Variants in TRPC1 observed in about 807,000 individuals in gnomAD.
The protein encoded by TRPC1 is short transient receptor potential channel 1.
In TRPC1, 42 loss-of-function variants were observed where a neutral mutation model predicts 88.2. That is an observed-to-expected ratio of 0.48 (90% CI 0.37 to 0.62). The LOEUF (loss-of-function observed/expected upper bound fraction) is 0.62. TRPC1 is among the 20% of genes least tolerant of loss of function. The pLI, the probability that TRPC1 is intolerant of heterozygous loss-of-function variation, is 0.00. For synonymous variants in TRPC1, 288 were observed against 331.8 expected, an observed-to-expected ratio of 0.87 and a Z score of 1.43; for missense variants, 699 against 957.3, an observed-to-expected ratio of 0.73 and a Z score of 3.56.
chr3:142,795,987 A>G (rs1443865472), intron 9 of TRPC1, among the ~76,000 whole-genome samples: 1 of 152,158 alleles, frequency 6.6e-6, no homozygotes, highest in African/African-American at 2.4e-5. Context: ...TGTGGTAATA[A>G]TAGTAATAAC....
intron 7 of TRPC1, among the ~76,000 whole-genome samples, 174 bp from the exon 8 acceptor site, chr3:142,790,845 G>T (rs1166726955): frequency 1.3e-5 from 2 of 151,252 alleles, no homozygotes; most frequent in Admixed American, 1.3e-4. Flanking sequence ...GAAAGTTAAG[G>T]TTATTTTCTT....
chr3:142,743,675 AT>A, intron 3 of TRPC1, 89 bp downstream of exon 3: 1 of 787,032 alleles, frequency 1.3e-6, no homozygotes, highest in Non-Finnish European at 1.8e-6. Flanking sequence ...CCTCAAATTT[AT>A]TTTGTTTTTT....
At chr3:142,786,974 A>T (rs931519108) in intron 7 of TRPC1, among the ~76,000 whole-genome samples, 7 of 152,216 alleles carry the variant, frequency 4.6e-5, no homozygotes, top group African/African-American at 1.7e-4. Context: ...AATAGCATAA[A>T]TATTACTGCT....
At chr3:142,786,775 T>C (rs1261460134) in intron 7 of TRPC1, among the ~76,000 whole-genome samples, 1 of 152,184 alleles carries the variant, frequency 6.6e-6, no homozygotes, top group African/African-American at 2.4e-5. Flanking sequence ...TTGTTATATA[T>C]TCCTTAGTCT....
chr3:142,756,194 C>CTGGAACTTAA (rs1934954323), intron 4 of TRPC1, among the ~76,000 whole-genome samples: 1 of 152,108 alleles, frequency 6.6e-6, no homozygotes, highest in Admixed American at 6.5e-5. Flanking sequence ...CAGTTTTTGG[C>CTGGAACTTAA]AGTGAACATT....
chr3:142,737,173 T>G (rs1934167655), intron 2 of TRPC1, among the ~76,000 whole-genome samples: 1 of 151,980 alleles, frequency 6.6e-6, no homozygotes, highest in South Asian at 2.1e-4. Context: ...TTTCCTTTCC[T>G]TTTTGGTTTG....
At chr3:142,772,138 G>A (rs1045371717) in intron 4 of TRPC1, among the ~76,000 whole-genome samples, 1 of 152,068 alleles carries the variant, frequency 6.6e-6, no homozygotes, top group African/African-American at 2.4e-5. Context: ...GTTTCTGTTT[G>A]TGGGTCTCTT....
intron 4 of TRPC1, among the ~76,000 whole-genome samples, chr3:142,763,018 T>C (rs564399338): frequency 6.6e-6 from 1 of 152,302 alleles, no homozygotes; most frequent in Admixed American, 6.5e-5. Context: ...TTTTATTCCA[T>C]ATGGTCAGAA....
At position 142,780,935 on chromosome 3, in the gene TRPC1, C is replaced by G; in HGVS notation, c.866C>G (p.Thr289Arg). The G allele has an allele frequency of 1.9e-6, 3 of 1,613,814 alleles. No homozygotes were observed. Among genetic ancestry groups the G allele is most frequent in the Non-Finnish European group, 2.5e-6 (3 of 1,179,804 alleles). ...GAATTGGAAGTTATTCTAAACCATA[C>G]GTCTAGTGACGAGCCTCTTGACAAA... ...SRELEVILNH[T>R]SSDEPLDKRG... Residue 289 changes from threonine (T) to arginine (R), a missense_variant, in exon 6 of 13, where the codon ACG (threonine) becomes AGG (arginine). Transcript: ENST00000476941.
At chr3:142,801,624 A>T (rs1936622367) in intron 9 of TRPC1, among the ~76,000 whole-genome samples, 1 of 152,132 alleles carries the variant, frequency 6.6e-6, no homozygotes, top group Non-Finnish European at 1.5e-5. Flanking sequence ...CACACATAAT[A>T]TTTTCTTAAA....
intron 9 of TRPC1, among the ~76,000 whole-genome samples, chr3:142,796,132 C>A (rs1383875528): frequency 2.6e-5 from 4 of 152,028 alleles, no homozygotes; most frequent in African/African-American, 9.7e-5. Context: ...GAGGAAGAAT[C>A]TGAGGCATAG....
intron 4 of TRPC1, among the ~76,000 whole-genome samples, chr3:142,773,274 G>A (rs932221450): frequency 4.0e-5 from 6 of 151,510 alleles, no homozygotes; most frequent in Non-Finnish European, 5.9e-5. Flanking sequence ...GTGCAGTAGC[G>A]CAATCTCAGC....
In TRPC1 at chr3:142,776,857, C is replaced by T. The variant is rs981067676; in HGVS notation, c.633-775C>T. Among the ~76,000 whole-genome samples, 1 of 150,830 alleles carries T rather than the reference C, an allele frequency of 6.6e-6. No homozygotes were observed. Among genetic ancestry groups the T allele is most frequent in the Non-Finnish European group, 1.5e-5 (1 of 67,890 alleles). ...GTCGGAGGTTGCGGTGAGCCGAGAT[C>T]GTGCCATTGCACTCCGGTCTGGTGA... On this transcript the variant is annotated intron_variant, in intron 4 of 12. Transcript: ENST00000476941. The surrounding 1 kb of genome is among the most constrained non-coding windows in gnomAD (Gnocchi z 4.1).
chr3:142,766,037 A>T (rs1200218008), intron 4 of TRPC1, among the ~76,000 whole-genome samples: 1 of 133,678 alleles, frequency 7.5e-6, no homozygotes, highest in Non-Finnish European at 1.7e-5. Flanking sequence ...ATTAAGAAGT[A>T]AAAAAAAAAA....
intron 4 of TRPC1, among the ~76,000 whole-genome samples, chr3:142,755,385 AT>A (rs1934925864): frequency 6.6e-6 from 1 of 152,196 alleles, no homozygotes; most frequent in Admixed American, 6.5e-5. Flanking sequence ...AGATTGCACC[AT>A]TGCACTCCAG....
rs1308695316 is a variant in TRPC1 at position 142,771,340 on chromosome 3, TTTTG to T, written c.633-6279_633-6276del. Among the ~76,000 whole-genome samples, 27 of 152,216 alleles carry T rather than the reference TTTTG, an allele frequency of 1.8e-4. 1 individual carries two copies. Among genetic ancestry groups the T allele is most frequent in the Admixed American group, 1.0e-3 (16 of 15,288 alleles). ...AACTTGTCAAAGTCAGTGTCAGATT[TTTTG>T]TTTGTTTGTTTGGTAGAGATGGGGT... is the stretch of plus-strand genomic sequence containing the variant. On this transcript the variant is annotated intron_variant, in intron 4 of 12. Coordinates refer to ENST00000476941, the MANE Select transcript of TRPC1 (RefSeq NM_001251845.2).
intron 4 of TRPC1, among the ~76,000 whole-genome samples, chr3:142,755,300 C>G (rs1435009236): frequency 6.6e-6 from 1 of 152,158 alleles, no homozygotes; most frequent in Non-Finnish European, 1.5e-5. Context: ...TGGCAGGCAC[C>G]TGTAATCCCA....
At chr3:142,762,449 T>TG (rs1474460797) in intron 4 of TRPC1, among the ~76,000 whole-genome samples, 1 of 148,014 alleles carries the variant, frequency 6.8e-6, no homozygotes, top group African/African-American at 2.5e-5. Flanking sequence ...TTTTTTTTTT[T>TG]GACGGAGTCT....
chr3:142,777,906 C>A (rs1454434519), intron 5 of TRPC1, 143 bp downstream of exon 5: 6 of 832,724 alleles, frequency 7.2e-6, no homozygotes, highest in Non-Finnish European at 1.1e-5. Flanking sequence ...GCAACAGACC[C>A]CTGCTCTCCC....
Sources: gnomAD v4.1 joint callset for allele counts (sites outside exome capture counted in the v4.1 genomes callset) on GRCh38, gnomAD v4.1.1 for gene constraint, Gnocchi (gnomAD v3.1) non-coding constraint, MANE v1.5 for transcripts, NCBI Gene and HGNC (gene_info 2026-07-23, HGNC 2026-07-21) for gene names.